The following AUTS2 variants were observed in gnomAD, a reference collection of about 807,000 sequenced individuals.
AUTS2 encodes activator of transcription and developmental regulator AUTS2, also known as autism susceptibility gene 2 protein.
Under a neutral mutation model 112.4 loss-of-function variants are expected in AUTS2, and 17 were observed. The observed-to-expected ratio is 0.15, with a 90% CI of 0.10 to 0.23. The LOEUF is 0.23. AUTS2 is among the 10% of genes least tolerant of loss of function. The probability of loss-of-function intolerance (pLI) is 1.00; values close to 1 mark genes in which losing one functional copy is unlikely to be tolerated. For synonymous variants in AUTS2, 751 were observed against 702.7 expected, an observed-to-expected ratio of 1.07 and a Z score of -1.09; for missense variants, 1,510 against 1,701.6, an observed-to-expected ratio of 0.89 and a Z score of 1.98.
chr7:70,095,703 T>C (rs1804159729), intron 2 of AUTS2, among the ~76,000 whole-genome samples: 1 of 152,184 alleles, frequency 6.6e-6, no homozygotes, highest in Non-Finnish European at 1.5e-5. Flanking sequence ...ATTTTTATAT[T>C]GCCTTTGTAT....
intron 2 of AUTS2, among the ~76,000 whole-genome samples, chr7:70,007,889 A>T (rs1011273708): frequency 2.6e-5 from 4 of 152,212 alleles, no homozygotes; most frequent in African/African-American, 9.6e-5. Flanking sequence ...CACCATCTTC[A>T]CATATCATCA....
intron 1 of AUTS2, among the ~76,000 whole-genome samples, chr7:69,829,236 T>G (rs1791390970): frequency 6.6e-6 from 1 of 152,092 alleles, no homozygotes; most frequent in African/African-American, 2.4e-5. Context: ...TATATAAAAA[T>G]TAACTCAAGA....
chr7:69,678,380 A>T (rs1796657006), intron 1 of AUTS2, among the ~76,000 whole-genome samples: 1 of 152,148 alleles, frequency 6.6e-6, no homozygotes, highest in Non-Finnish European at 1.5e-5. Flanking sequence ...GGTGTTACAG[A>T]TGGGACCAGC....
At chr7:69,980,476 T>C (rs1584522243) in intron 2 of AUTS2, among the ~76,000 whole-genome samples, 1 of 152,196 alleles carries the variant, frequency 6.6e-6, no homozygotes, top group East Asian at 1.9e-4. Context: ...ACTGTACTTC[T>C]TAGGCCAAGG....
At chr7:69,609,113 G>A (rs2129076676) in intron 1 of AUTS2, among the ~76,000 whole-genome samples, 1 of 152,236 alleles carries the variant, frequency 6.6e-6, no homozygotes, top group South Asian at 2.1e-4. Context: ...CAGCCCACAG[G>A]GGTTAATTGA....
At chr7:70,410,930 C>A (rs372711728) in intron 4 of AUTS2, among the ~76,000 whole-genome samples, 1 of 151,690 alleles carries the variant, frequency 6.6e-6, no homozygotes. Flanking sequence ...GTGGTGCGAT[C>A]TTGGCTCACT....
chr7:70,573,772 C>CTTT, intron 5 of AUTS2, among the ~76,000 whole-genome samples: 1 of 140,304 alleles, frequency 7.1e-6, no homozygotes, highest in African/African-American at 2.6e-5. Flanking sequence ...GAGCAAAAAG[C>CTTT]TTTTTTTTTT....
At chr7:70,475,127 C>T (rs922496378) in intron 5 of AUTS2, among the ~76,000 whole-genome samples, 3 of 152,292 alleles carry the variant, frequency 2.0e-5, no homozygotes, top group African/African-American at 7.2e-5. Flanking sequence ...GTGTGGAGGG[C>T]CTCCTGTCTA....
At chr7:70,639,871 C>G (rs1009562803) in intron 5 of AUTS2, among the ~76,000 whole-genome samples, 3 of 152,106 alleles carry the variant, frequency 2.0e-5, no homozygotes, top group East Asian at 1.9e-4. Flanking sequence ...CCTCCATTCC[C>G]TCTCTGAGAG....
intron 5 of AUTS2, among the ~76,000 whole-genome samples, chr7:70,678,782 C>T (rs1808058541): frequency 6.6e-6 from 1 of 152,196 alleles, no homozygotes; most frequent in African/African-American, 2.4e-5. Context: ...GACCACGAAG[C>T]TCAGAGCAAC....
At chr7:70,002,269 A>G (rs1008038198) in intron 2 of AUTS2, among the ~76,000 whole-genome samples, 2 of 152,142 alleles carry the variant, frequency 1.3e-5, no homozygotes, top group Non-Finnish European at 2.9e-5. Context: ...GCTCTCCCAT[A>G]ATCTCTTTGT....
intron 4 of AUTS2, among the ~76,000 whole-genome samples, chr7:70,229,070 A>C (rs529066385): frequency 9.2e-5 from 14 of 152,016 alleles, no homozygotes; most frequent in South Asian, 2.1e-4. Context: ...ACAATTTTAC[A>C]AGTACTGATT....
chr7:70,710,667 A>G (rs924106549), intron 6 of AUTS2, among the ~76,000 whole-genome samples: 1 of 152,190 alleles, frequency 6.6e-6, no homozygotes, highest in African/African-American at 2.4e-5. Flanking sequence ...AAGGAGGGAG[A>G]GGCTGAACTA....
intron 4 of AUTS2, among the ~76,000 whole-genome samples, chr7:70,381,271 T>A (rs899378927): frequency 7.9e-5 from 12 of 152,144 alleles, no homozygotes; most frequent in Non-Finnish European, 4.4e-5. Context: ...AATGCAATAG[T>A]GAAGAAATCA....
intron 4 of AUTS2, among the ~76,000 whole-genome samples, chr7:70,264,563 T>C (rs1361139705): frequency 6.6e-6 from 1 of 152,234 alleles, no homozygotes; most frequent in Non-Finnish European, 1.5e-5. Context: ...TTACATGTGC[T>C]GTTATTGTCC....
intron 6 of AUTS2, among the ~76,000 whole-genome samples, chr7:70,706,244 AAGG>A (rs1809730854): frequency 6.6e-6 from 1 of 152,218 alleles, no homozygotes; most frequent in African/African-American, 2.4e-5. Context: ...ATCCAGGCCA[AAGG>A]AGGAGTCCCC....
At chr7:70,050,688 C>A (rs1303974163) in intron 2 of AUTS2, among the ~76,000 whole-genome samples, 1 of 151,958 alleles carries the variant, frequency 6.6e-6, no homozygotes, top group Non-Finnish European at 1.5e-5. Context: ...TTTGCCATCC[C>A]TATCTACATT....
chr7:69,792,285 G>C (rs1424115735), intron 1 of AUTS2, among the ~76,000 whole-genome samples: 1 of 151,450 alleles, frequency 6.6e-6, no homozygotes, highest in Admixed American at 6.6e-5. Flanking sequence ...TGTCGCCCAG[G>C]CTGGAGCGCA....
At chr7:69,817,418 T>C (rs762234951) in intron 1 of AUTS2, among the ~76,000 whole-genome samples, 1 of 152,166 alleles carries the variant, frequency 6.6e-6, no homozygotes, top group Non-Finnish European at 1.5e-5. Context: ...TATAACCTCT[T>C]TGAGGAGGAA....
Sources: gnomAD v4.1 joint callset for allele counts (sites outside exome capture counted in the v4.1 genomes callset) on GRCh38, gnomAD v4.1.1 for gene constraint, MANE v1.5 for transcripts, NCBI Gene and HGNC (gene_info 2026-07-23, HGNC 2026-07-21) for gene names.